Variants in KDM2B observed in about 807,000 individuals in gnomAD.
KDM2B encodes lysine-specific demethylase 2B.
A neutral mutation model predicts 150.0 loss-of-function variants in KDM2B; 26 were observed. The observed-to-expected ratio is 0.17, with a 90% confidence interval of 0.13 to 0.24. The LOEUF (loss-of-function observed/expected upper bound fraction) is 0.24, where lower values mean the gene tolerates loss of function less well. Among genes scored for constraint, KDM2B ranks in the 10% least tolerant of loss-of-function variants. The pLI, the probability that KDM2B is intolerant of heterozygous loss-of-function variation, is 1.00. For synonymous variants in KDM2B, 734 were observed against 729.5 expected (o/e 1.01, Z -0.10); for missense variants, 1,265 against 1,816.9 (o/e 0.70, Z 5.52).
At position 121,520,973 on chromosome 12, in the gene KDM2B, G is replaced by A; in HGVS notation, c.1047+12C>T. 1.2e-6 allele frequency: 2 copies of A among 1,608,118 alleles called. No homozygotes were observed. Among genetic ancestry groups the A allele is most frequent in the Non-Finnish European group, 1.7e-6 (2 of 1,174,748 alleles). ...CAGGCGCGCACGCGAGGACAGAAGG[G>A]AACCTCCTTACCCGCGTCCTGTCCT... is the stretch of plus-strand genomic sequence containing the variant. On this transcript the variant is annotated intron_variant, in intron 9 of 22. Transcript: ENST00000377071. This position sits in a 1 kb window ranked among gnomAD's most constrained non-coding sequence, Gnocchi z 4.5.
At chr12:121,525,519 G>A (rs1035930343) in intron 8 of KDM2B, among the ~76,000 whole-genome samples, 1 of 152,156 alleles carries the variant, frequency 6.6e-6, no homozygotes, top group Non-Finnish European at 1.5e-5. Context: ...GCTAAGTGCT[G>A]GGATTACAGG....
chr12:121,428,034 A>ACAAT (rs782095813), downstream of KDM2B, among the ~76,000 whole-genome samples: 61 of 152,356 alleles, frequency 4.0e-4, no homozygotes, highest in Non-Finnish European at 6.2e-4. Flanking sequence ...TGCATTTTAA[A>ACAAT]CAATCAATCA....
At chr12:121,548,529 A>G (rs1457936115) in intron 6 of KDM2B, among the ~76,000 whole-genome samples, 2 of 152,184 alleles carry the variant, frequency 1.3e-5, no homozygotes, top group South Asian at 4.1e-4. Flanking sequence ...CCCAGGACAC[A>G]ATGTCTCATG....
At chr12:121,490,862 A>G (rs1232867129) in intron 12 of KDM2B, among the ~76,000 whole-genome samples, 2 of 152,178 alleles carry the variant, frequency 1.3e-5, no homozygotes, top group Admixed American at 6.5e-5. Flanking sequence ...AGATCAAAGC[A>G]TTTCTTGCTA....
chr12:121,414,722 G>C, the KDM2B span, among the ~76,000 whole-genome samples: 3 of 151,862 alleles, frequency 2.0e-5, no homozygotes, highest in African/African-American at 7.2e-5. Context: ...GCCCAGCCTG[G>C]AGTGCAGTGG....
chr12:121,522,891 A>C (rs1490282680), intron 8 of KDM2B, among the ~76,000 whole-genome samples: 2 of 152,162 alleles, frequency 1.3e-5, no homozygotes, highest in Non-Finnish European at 2.9e-5. Flanking sequence ...AAATGAAGTC[A>C]CCTATCAGGA....
intron 12 of KDM2B, among the ~76,000 whole-genome samples, chr12:121,493,461 G>T (rs1374268269): frequency 1.3e-5 from 2 of 152,136 alleles, no homozygotes; most frequent in Non-Finnish European, 2.9e-5. Context: ...AAGTAGTGAA[G>T]CTGCGTGGAG....
intron 4 of KDM2B, among the ~76,000 whole-genome samples, chr12:121,567,995 C>T (rs975397179): frequency 2.0e-5 from 3 of 152,044 alleles, no homozygotes; most frequent in Admixed American, 2.0e-4. Context: ...TCCCAAAGTG[C>T]TGGGATTACA....
chr12:121,553,665 C>T (rs1209297111), intron 4 of KDM2B, among the ~76,000 whole-genome samples: 2 of 152,102 alleles, frequency 1.3e-5, no homozygotes, highest in East Asian at 1.9e-4. Flanking sequence ...GTTACCGAGT[C>T]GGTCAGTTTC....
intron 12 of KDM2B, among the ~76,000 whole-genome samples, chr12:121,461,604 T>C (rs1326236740): frequency 1.3e-5 from 2 of 151,980 alleles, no homozygotes. Flanking sequence ...CTGGAGGACT[T>C]TGAGGTTTCC....
chr12:121,462,031 A>T (rs1324210873), intron 12 of KDM2B, among the ~76,000 whole-genome samples: 2 of 152,230 alleles, frequency 1.3e-5, no homozygotes, highest in African/African-American at 4.8e-5. Flanking sequence ...AAATGTAGCT[A>T]TATGTTTTTA....
chr12:121,491,214 C>G (rs1883309174), intron 12 of KDM2B, among the ~76,000 whole-genome samples: 2 of 152,198 alleles, frequency 1.3e-5, no homozygotes, highest in South Asian at 4.1e-4. Flanking sequence ...CTTTCTTCTC[C>G]TAAGGAAGTG....
intron 22 of KDM2B, among the ~76,000 whole-genome samples, chr12:121,437,181 C>G (rs1245879008): frequency 3.3e-5 from 5 of 151,586 alleles, no homozygotes; most frequent in Non-Finnish European, 7.4e-5. Context: ...AGGCAGCTCT[C>G]GTACAAAAAC....
chr12:121,554,599 C>T (rs1193050024), intron 4 of KDM2B, among the ~76,000 whole-genome samples: 4 of 151,900 alleles, frequency 2.6e-5, no homozygotes, highest in African/African-American at 7.3e-5. Flanking sequence ...TCAGTAGAGA[C>T]GGGGTTTTAC....
Position 121,578,903 on chromosome 12 carries a change from G to T in KDM2B, c.170C>A (p.Ser57Ter). ...RQRYDENEDL[S>*]DVEEIVSVRG... ...GACGCTGACGATCTCCTCCACGTCC[G>T]ACAAGTCCTCGTTCTCGTCGTATCG... The change falls in exon 2 of 23, where the codon TCG becomes TAG. Residue 57 changes from serine (S) to a stop codon, truncating the protein, a stop_gained. Coordinates refer to ENST00000377071, the MANE Select transcript of KDM2B (RefSeq NM_032590.5). LOFTEE classifies it high-confidence loss of function. The T allele has an allele frequency of 6.2e-7, 1 of 1,612,804 alleles. No individual in the cohort carries two copies.
intron 6 of KDM2B, among the ~76,000 whole-genome samples, chr12:121,540,429 G>A (rs945464098): frequency 5.3e-5 from 8 of 152,040 alleles, no homozygotes; most frequent in Non-Finnish European, 1.2e-4. Flanking sequence ...AGCCCCATAC[G>A]GATGTGAAGG....
Position 121,467,170 on chromosome 12 carries a change from C to G in KDM2B, c.1735-13826G>C, listed in dbSNP as rs1555294990. On this transcript the variant is annotated intron_variant, in intron 12 of 22. Coordinates refer to ENST00000377071, the MANE Select transcript of KDM2B (RefSeq NM_032590.5). The surrounding 1 kb of genome is among the most constrained non-coding windows in gnomAD (Gnocchi z 5.1). ...CCGGGCCGCCGACCTGGTCCGGCTC[C>G]GATTCATAGTCGTCGTCCTCGGCGC... 8.9e-7 allele frequency: 1 copy of G among 1,121,708 alleles called. No homozygotes were observed. The highest frequency in any genetic ancestry group is 1.0e-4 in the East Asian group (1 of 9,754). The allele number at this position is 1,121,708 out of a possible 1,614,324, so 69.5% of individuals were successfully genotyped here. A position where few individuals can be genotyped will look rare whatever the true frequency, so the allele number is the denominator to read the frequency against.
chr12:121,524,669 T>G, intron 8 of KDM2B: 1 of 453,472 alleles, frequency 2.2e-6, no homozygotes, highest in Non-Finnish European at 4.4e-6. Context: ...GTGGGCCCCA[T>G]CCATACCCCT....
At chr12:121,443,083 G>A in intron 17 of KDM2B, 53 bp from the exon 18 acceptor site, 1 of 1,513,084 alleles carries the variant, frequency 6.6e-7, no homozygotes, top group Non-Finnish European at 8.8e-7. Flanking sequence ...CGTGGGATTT[G>A]GTCTCCTCGA....
Sources: allele counts gnomAD v4.1 joint callset (sites outside exome capture counted in the v4.1 genomes callset), GRCh38; gene constraint gnomAD v4.1.1; non-coding constraint Gnocchi (gnomAD v3.1); transcripts MANE v1.5; gene names NCBI Gene and HGNC (gene_info 2026-07-23, HGNC 2026-07-21).